Variants in GABRA5 observed in about 807,000 individuals in gnomAD.
GABRA5 encodes gamma-aminobutyric acid type A receptor subunit alpha5.
Under a neutral mutation model 47.3 loss-of-function variants are expected in GABRA5, and 18 were observed. The observed-to-expected ratio is 0.38, with a 90% CI of 0.26 to 0.56. The LOEUF (loss-of-function observed/expected upper bound fraction) is 0.56, where lower values mean the gene tolerates loss of function less well. Among genes scored for constraint, GABRA5 ranks in the 20% least tolerant of loss-of-function variants. The pLI, the probability that GABRA5 is intolerant of heterozygous loss-of-function variation, is 0.71. For synonymous variants in GABRA5, 237 were observed against 229.3 expected (o/e 1.03, Z -0.30); for missense variants, 365 against 599.3 (o/e 0.61, Z 4.08).
chr15:26,937,123 T>C, intron 7 of GABRA5, 62 bp from the exon 8 acceptor site: 3 of 1,582,876 alleles, frequency 1.9e-6, no homozygotes, highest in Non-Finnish European at 2.6e-6. Context: ...TAAAAGCTTC[T>C]GTGTTTTCCA....
At chr15:26,901,842 T>A (rs1385646233) in intron 6 of GABRA5, among the ~76,000 whole-genome samples, 1 of 152,178 alleles carries the variant, frequency 6.6e-6, no homozygotes, top group Admixed American at 6.6e-5. Context: ...GGTATAAGGT[T>A]AGTGTCTAGA....
chr15:26,937,152 G>T (rs1343311246), intron 7 of GABRA5, 33 bp from the exon 8 acceptor site: 1 of 1,612,412 alleles, frequency 6.2e-7, no homozygotes, highest in East Asian at 2.2e-5. Flanking sequence ...ATGATTTCAT[G>T]TTTATGTCAC....
intron 7 of GABRA5, among the ~76,000 whole-genome samples, chr15:26,921,199 G>A (rs1170272794): frequency 6.6e-6 from 1 of 152,056 alleles, no homozygotes; most frequent in African/African-American, 2.4e-5. Flanking sequence ...TAGAATAGGT[G>A]TTGATTATTT....
At chr15:26,918,555 A>G (rs983368889) in intron 7 of GABRA5, among the ~76,000 whole-genome samples, 3 of 152,126 alleles carry the variant, frequency 2.0e-5, no homozygotes, top group Non-Finnish European at 4.4e-5. Context: ...AGGTATTGAA[A>G]TCTACTACTA....
At chr15:26,868,361 T>A (rs1595388547) in intron 1 of GABRA5, among the ~76,000 whole-genome samples, 1 of 150,184 alleles carries the variant, frequency 6.7e-6, no homozygotes, top group East Asian at 2.0e-4. Flanking sequence ...TGTCTCCCAA[T>A]TCCGGAGTTT....
At chr15:26,897,736 T>A (rs980309157) in intron 6 of GABRA5, among the ~76,000 whole-genome samples, 1 of 152,210 alleles carries the variant, frequency 6.6e-6, no homozygotes, top group Non-Finnish European at 1.5e-5. Flanking sequence ...TTACTTTCCC[T>A]GTTACATGTC....
At chr15:26,941,887 A>T (rs1894393881) in intron 9 of GABRA5, among the ~76,000 whole-genome samples, 1 of 152,238 alleles carries the variant, frequency 6.6e-6, no homozygotes, top group Non-Finnish European at 1.5e-5. Flanking sequence ...CAGTGACCTC[A>T]TTTTAACTTA....
At chr15:26,929,925 C>G (rs1165931476) in intron 7 of GABRA5, among the ~76,000 whole-genome samples, 1 of 152,022 alleles carries the variant, frequency 6.6e-6, no homozygotes, top group Non-Finnish European at 1.5e-5. Flanking sequence ...AACAGGCTTT[C>G]TCATTCCTTT....
At chr15:26,916,671 A>T (rs568933982) in intron 7 of GABRA5, among the ~76,000 whole-genome samples, 35 of 152,254 alleles carry the variant, frequency 2.3e-4, no homozygotes, top group East Asian at 5.8e-4. Context: ...TAGTGTGGAC[A>T]TTTTAATAAT....
chr15:26,935,784 T>A (rs1239863452), intron 7 of GABRA5, among the ~76,000 whole-genome samples: 1 of 152,158 alleles, frequency 6.6e-6, no homozygotes, highest in Non-Finnish European at 1.5e-5. Context: ...CATCTCTCCT[T>A]CTCTTCCTCT....
chr15:26,917,455 T>A (rs1422347286), intron 7 of GABRA5, among the ~76,000 whole-genome samples: 1 of 152,116 alleles, frequency 6.6e-6, no homozygotes, highest in Non-Finnish European at 1.5e-5. Flanking sequence ...AATGTGTTGC[T>A]GAATTCAGTT....
intron 3 of GABRA5, among the ~76,000 whole-genome samples, chr15:26,870,092 A>T (rs544930346): frequency 1.9e-4 from 29 of 152,346 alleles, no homozygotes; most frequent in South Asian, 2.1e-4. Context: ...TTGATGGCAT[A>T]TAATTAAGAA....
At chr15:26,892,178 A>G (rs1893022647) in intron 6 of GABRA5, among the ~76,000 whole-genome samples, 2 of 152,362 alleles carry the variant, frequency 1.3e-5, no homozygotes, top group East Asian at 1.9e-4. Flanking sequence ...CTTCACTCCT[A>G]TGATTTGCAC....
chr15:26,914,294 ACT>A (rs1303639201), intron 6 of GABRA5, among the ~76,000 whole-genome samples: 2 of 152,088 alleles, frequency 1.3e-5, no homozygotes, highest in Admixed American at 6.5e-5. Context: ...GTGTAGGAAA[ACT>A]CTGCACTAAA....
chr15:26,908,027 G>T (rs1209157218), intron 6 of GABRA5, among the ~76,000 whole-genome samples: 1 of 152,148 alleles, frequency 6.6e-6, no homozygotes, highest in Admixed American at 6.5e-5. Context: ...ATCAGGCAGG[G>T]CTCATGGGAA....
At chr15:26,869,473 A>G in intron 3 of GABRA5, 139 bp downstream of exon 3, 2 of 637,888 alleles carry the variant, frequency 3.1e-6, no homozygotes, top group Admixed American at 4.7e-5. Flanking sequence ...TGTTGTAAAT[A>G]AATGAAGTCA....
intron 6 of GABRA5, among the ~76,000 whole-genome samples, chr15:26,913,958 G>A (rs566264198): frequency 1.2e-4 from 18 of 152,116 alleles, no homozygotes; most frequent in Admixed American, 9.8e-4. Flanking sequence ...CTTAATATCC[G>A]CACCTCACTT....
chr15:26,869,683 A>T (rs1892415402), intron 3 of GABRA5, among the ~76,000 whole-genome samples: 1 of 152,244 alleles, frequency 6.6e-6, no homozygotes, highest in South Asian at 2.1e-4. Context: ...TGCTTGTTAG[A>T]CAAGGCAGTG....
intron 8 of GABRA5, chr15:26,939,509 G>C (rs1343566141): frequency 1.4e-6 from 1 of 696,686 alleles, no homozygotes; most frequent in African/African-American, 1.7e-5. Context: ...CCTCCCTGGA[G>C]CCTCTAGACT....
Sources: gnomAD v4.1 joint callset for allele counts (sites outside exome capture counted in the v4.1 genomes callset) on GRCh38, gnomAD v4.1.1 for gene constraint, MANE v1.5 for transcripts, NCBI Gene and HGNC (gene_info 2026-07-23, HGNC 2026-07-21) for gene names.